The following NELL2 variants were observed in gnomAD, a reference collection of about 807,000 sequenced individuals.
NELL2 encodes the protein neural EGFL like 2.
In NELL2, 41 loss-of-function variants were observed where a neutral mutation model predicts 109.6. The observed-to-expected ratio is 0.37, with a 90% CI of 0.29 to 0.49. The LOEUF is 0.49. Among genes scored for constraint, NELL2 ranks in the 20% least tolerant of loss-of-function variants. The pLI is 0.98. For synonymous variants in NELL2, 355 were observed against 344.7 expected (o/e 1.03, Z -0.33); for missense variants, 900 against 1,008.3 (o/e 0.89, Z 1.45).
At chr12:44,587,284 A>AAAAAAAAATATATATAT in intron 15 of NELL2, among the ~76,000 whole-genome samples, 32 of 72,192 alleles carry the variant, frequency 4.4e-4, no homozygotes, top group Non-Finnish European at 7.3e-4. Context: ...AAAAAAAAAA[A>AAAAAAAAATATATATAT]ATATATATAT....
At chr12:44,692,625 G>A (rs534903466) in intron 12 of NELL2, among the ~76,000 whole-genome samples, 2 of 152,254 alleles carry the variant, frequency 1.3e-5, no homozygotes, top group African/African-American at 4.8e-5. Flanking sequence ...CTAGATGACA[G>A]TAAGAAAATT....
intron 3 of NELL2, among the ~76,000 whole-genome samples, chr12:44,802,410 AATGCC>A (rs1309289060): frequency 2.0e-5 from 3 of 152,118 alleles, no homozygotes; most frequent in African/African-American, 7.2e-5. Flanking sequence ...GATGAATGTA[AATGCC>A]TTTTAGCAAA....
chr12:44,665,554 G>A lies in NELL2; in HGVS notation c.1374C>T (p.Val458=). 6.2e-7 allele frequency: 1 copy of A among 1,613,530 alleles called. No homozygotes were observed. The highest frequency in any genetic ancestry group is 1.1e-5 in the South Asian group (1 of 91,042). ...TGCACATAAAAGAACCCGGGGTGTT[G>A]ACACACATTGTATTTTCACGACAGT... ...RHYCRENTMC[V]NTPGSFMCIC... Residue 458 remains valine (V), a synonymous_variant, in exon 13 of 20, where the codon GTC becomes GTT. Transcript: ENST00000429094.
At chr12:44,886,149 A>G (rs78733203) in intron 1 of NELL2, among the ~76,000 whole-genome samples, 87 of 146,994 alleles carry the variant, frequency 5.9e-4, no homozygotes, top group East Asian at 2.8e-3. Flanking sequence ...GGAAGGAAGA[A>G]AGGGAGAGAA....
At chr12:44,887,760 T>A (rs1945491211) in intron 1 of NELL2, among the ~76,000 whole-genome samples, 1 of 151,890 alleles carries the variant, frequency 6.6e-6, no homozygotes, top group Non-Finnish European at 1.5e-5. Context: ...ACTTTGCAAA[T>A]ATTTTCTCCC....
At chr12:44,518,660 C>G (rs1941389220) in intron 19 of NELL2, among the ~76,000 whole-genome samples, 1 of 152,118 alleles carries the variant, frequency 6.6e-6, no homozygotes, top group Non-Finnish European at 1.5e-5. Context: ...GTCCATCACT[C>G]AATATATATT....
intron 19 of NELL2, among the ~76,000 whole-genome samples, chr12:44,518,337 C>T (rs895690574): frequency 1.3e-5 from 2 of 151,866 alleles, no homozygotes; most frequent in Non-Finnish European, 2.9e-5. Context: ...CTCCACCTCC[C>T]GGGTTCACGC....
chr12:44,916,415 A>G (rs1355481392), upstream of NELL2, among the ~76,000 whole-genome samples: 2 of 152,242 alleles, frequency 1.3e-5, no homozygotes, highest in African/African-American at 4.8e-5. Flanking sequence ...TTAATCAACC[A>G]TCACACCAGA....
chr12:44,829,628 A>G (rs1234772627), intron 2 of NELL2, among the ~76,000 whole-genome samples: 1 of 152,198 alleles, frequency 6.6e-6, no homozygotes, highest in Non-Finnish European at 1.5e-5. Context: ...CTTATCTTTA[A>G]GAGTACATGA....
intron 3 of NELL2, among the ~76,000 whole-genome samples, chr12:44,806,564 A>G (rs753474743): frequency 3.8e-4 from 58 of 151,970 alleles, no homozygotes; most frequent in Admixed American, 8.5e-4. Context: ...AAAATTTAGA[A>G]GTACATACAC....
intron 1 of NELL2, among the ~76,000 whole-genome samples, chr12:44,903,016 C>T (rs988237925): frequency 1.3e-5 from 2 of 152,110 alleles, no homozygotes; most frequent in Admixed American, 1.3e-4. Flanking sequence ...GACTAAAATA[C>T]CAAAAGCAAT....
At chr12:44,854,447 G>C (rs1235768277) in intron 2 of NELL2, among the ~76,000 whole-genome samples, 2 of 152,134 alleles carry the variant, frequency 1.3e-5, no homozygotes, top group Non-Finnish European at 2.9e-5. Flanking sequence ...TTGTCAGAGA[G>C]ATGAAAAAGA....
chr12:44,711,483 T>C, intron 10 of NELL2, 89 bp from the exon 11 acceptor site: 2 of 1,136,068 alleles, frequency 1.8e-6, no homozygotes, highest in South Asian at 1.3e-5. Flanking sequence ...AAGACTCTTT[T>C]AAGATCAAGA....
intron 13 of NELL2, among the ~76,000 whole-genome samples, chr12:44,663,163 TG>T (rs983319067): frequency 6.6e-6 from 1 of 152,086 alleles, no homozygotes; most frequent in African/African-American, 2.4e-5. Context: ...TATCAAAGTG[TG>T]GGGGAGCCAA....
At chr12:44,553,491 A>G (rs976692001) in intron 15 of NELL2, among the ~76,000 whole-genome samples, 4 of 152,070 alleles carry the variant, frequency 2.6e-5, no homozygotes, top group African/African-American at 9.7e-5. Context: ...CTCTTCTCCT[A>G]TTTTTTTAAA....
At chr12:44,644,010 C>G (rs1315105052) in intron 13 of NELL2, among the ~76,000 whole-genome samples, 1 of 152,062 alleles carries the variant, frequency 6.6e-6, no homozygotes, top group Admixed American at 6.5e-5. Flanking sequence ...ACAAGACAAA[C>G]TGTAAAGGAA....
intron 1 of NELL2, among the ~76,000 whole-genome samples, chr12:44,893,433 T>A (rs1295838889): frequency 6.6e-6 from 1 of 152,202 alleles, no homozygotes; most frequent in Non-Finnish European, 1.5e-5. Flanking sequence ...AATCACATAA[T>A]CATGATTTTG....
chr12:44,916,788 G>A (rs372657039), upstream of NELL2, among the ~76,000 whole-genome samples: 3 of 152,130 alleles, frequency 2.0e-5, no homozygotes, highest in East Asian at 3.9e-4. Flanking sequence ...AGACTCACAA[G>A]GTCAGAAAAC....
Position 44,876,042 on chromosome 12 carries a change from C to T in NELL2, c.-173G>A, listed in dbSNP as rs1372447166. 2 of 1,475,634 alleles carry T rather than the reference C, an allele frequency of 1.4e-6. No individual in the cohort carries two copies. Among genetic ancestry groups the T allele is most frequent in the Non-Finnish European group, 1.8e-6 (2 of 1,120,342 alleles). 91.4% of individuals were successfully genotyped at this position (1,475,634 alleles called of 1,614,324 possible). The stretch of plus-strand genomic sequence containing the variant: ...GCCTAAGAAAGAAAAGGGAGGCCTC[C>T]CCAGGCGCGTGAAGAACTTAGACCC... On this transcript the variant is annotated 5_prime_UTR_variant, in exon 1 of 20. Transcript: ENST00000429094.
Sources: gnomAD v4.1 joint callset for allele counts (sites outside exome capture counted in the v4.1 genomes callset) on GRCh38, gnomAD v4.1.1 for gene constraint, MANE v1.5 for transcripts, NCBI Gene and HGNC (gene_info 2026-07-23, HGNC 2026-07-21) for gene names.